Variants in ITSN1 observed in about 807,000 individuals in gnomAD.
ITSN1 encodes the protein intersectin 1.
ITSN1 carries 58 observed loss-of-function variants against 239.8 expected under a neutral mutation model. That is an observed-to-expected ratio of 0.24 (90% CI 0.20 to 0.30). The LOEUF is 0.30. Ranked by LOEUF, ITSN1 falls within the 10% of genes least tolerant of loss-of-function variation. The pLI is 1.00. For synonymous variants in ITSN1, 780 were observed against 770.8 expected (o/e 1.01, Z -0.20); for missense variants, 1,558 against 2,103.3 (o/e 0.74, Z 5.07).
chr21:33,881,069 G>T (rs1035880132), intron 34 of ITSN1, among the ~76,000 whole-genome samples: 2 of 152,060 alleles, frequency 1.3e-5, no homozygotes, highest in Non-Finnish European at 1.5e-5. Flanking sequence ...TTTCATGTGC[G>T]CAGTACAGTG....
chr21:33,879,486 G>T (rs1214095326), intron 34 of ITSN1, among the ~76,000 whole-genome samples: 3 of 152,214 alleles, frequency 2.0e-5, no homozygotes, highest in Admixed American at 6.5e-5. Flanking sequence ...AGCCGAGGAA[G>T]GCCTGTGTAT....
chr21:33,874,198 C>G (rs914439793), intron 33 of ITSN1, among the ~76,000 whole-genome samples: 1 of 150,912 alleles, frequency 6.6e-6, no homozygotes, highest in African/African-American at 2.4e-5. Flanking sequence ...TATAACCAAC[C>G]CAAATCATGG....
At chr21:33,683,989 GA>G (rs1267415851) in intron 1 of ITSN1, among the ~76,000 whole-genome samples, 1 of 152,102 alleles carries the variant, frequency 6.6e-6, no homozygotes, top group Non-Finnish European at 1.5e-5. Flanking sequence ...AGGAAAGGGG[GA>G]AAAAAGGAGG....
rs573948898 is a variant in ITSN1, at chr21:33,854,351, G to A, written c.3662-2385G>A. On this transcript the variant is annotated intron_variant, in intron 29 of 39. Transcript: ENST00000381318. Reference sequence around the variant, plus strand: ...GTGTCAATATTCTAATCTCCCTGCAGAAGGGACCATCCTGAACGCTCCAGG... The same window carrying A: ...GTGTCAATATTCTAATCTCCCTGCAAAAGGGACCATCCTGAACGCTCCAGG... Among the ~76,000 whole-genome samples the A allele has an allele frequency of 9.8e-5, 15 of 152,324 alleles. No homozygotes were observed. The East Asian group carries it at 2.7e-3, about 27-fold the overall frequency.
At chr21:33,709,362 C>A (rs144738086) in intron 1 of ITSN1, among the ~76,000 whole-genome samples, 318 of 152,204 alleles carry the variant, frequency 2.1e-3, no homozygotes, top group Non-Finnish European at 3.5e-3. Context: ...TTGTTTGAGA[C>A]GGAGTTTCAC....
chr21:33,875,656 A>T, intron 34 of ITSN1, 135 bp downstream of exon 34: 1 of 751,286 alleles, frequency 1.3e-6, no homozygotes. Context: ...GCTGCTTCTC[A>T]TCTGCTGTTT....
At chr21:33,811,244 C>G in intron 21 of ITSN1, 22 bp downstream of exon 21, 1 of 1,539,734 alleles carries the variant, frequency 6.5e-7, no homozygotes, top group Non-Finnish European at 8.7e-7. Context: ...TGGGCTCTTT[C>G]TGATGATTTT....
intron 34 of ITSN1, among the ~76,000 whole-genome samples, 161 bp downstream of exon 34, chr21:33,875,682 T>C (rs1290150820): frequency 6.6e-6 from 1 of 152,004 alleles, no homozygotes; most frequent in African/African-American, 2.4e-5. Flanking sequence ...ACCCACTGAG[T>C]ATTTATTTAT....
intron 25 of ITSN1, among the ~76,000 whole-genome samples, chr21:33,824,082 T>A (rs1602455748): frequency 1.3e-5 from 2 of 152,338 alleles, no homozygotes; most frequent in South Asian, 4.1e-4. Context: ...TTGGATATTA[T>A]TAGAAAGTTT....
At chr21:33,802,403 T>C (rs2072070716) in intron 19 of ITSN1, 27 bp from the exon 20 acceptor site, 1 of 1,612,432 alleles carries the variant, frequency 6.2e-7, no homozygotes, top group African/African-American at 1.3e-5. Context: ...TTTGCCTTGC[T>C]TTCAAACCTT....
chr21:33,687,352 C>G (rs868062275), intron 1 of ITSN1, among the ~76,000 whole-genome samples: 5 of 128,788 alleles, frequency 3.9e-5, no homozygotes, highest in South Asian at 4.8e-4. Flanking sequence ...GAGCCAAGAT[C>G]GTGCCATTGC....
At chr21:33,800,540 T>C (rs1418785441) in intron 19 of ITSN1, among the ~76,000 whole-genome samples, 1 of 152,140 alleles carries the variant, frequency 6.6e-6, no homozygotes, top group Admixed American at 6.5e-5. Context: ...AAAAGAGTAA[T>C]GAATTATACA....
At chr21:33,767,134 C>G (rs1057498020) in intron 10 of ITSN1, among the ~76,000 whole-genome samples, 5 of 152,060 alleles carry the variant, frequency 3.3e-5, no homozygotes, top group African/African-American at 1.2e-4. Flanking sequence ...CACCATTGCA[C>G]TCCAGCCTGG....
intron 34 of ITSN1, among the ~76,000 whole-genome samples, chr21:33,877,059 C>CTTTTTTTTTTTTTTTTTTTT (rs10529259): frequency 0.014 from 1,437 of 106,198 alleles, 436 homozygotes; most frequent in East Asian, 0.027. Context: ...CTGTGGGCAC[C>CTTTTTTTTTTTTTTTTTTTT]TTTTTTTTTT....
chr21:33,818,690 C>T (rs1024849575), intron 23 of ITSN1, among the ~76,000 whole-genome samples: 1 of 152,142 alleles, frequency 6.6e-6, no homozygotes. Flanking sequence ...CCTTGTTTTT[C>T]ATTGCCTTAT....
chr21:33,683,934 T>G (rs934536777), intron 1 of ITSN1, among the ~76,000 whole-genome samples: 2 of 152,166 alleles, frequency 1.3e-5, no homozygotes, highest in Non-Finnish European at 2.9e-5. Flanking sequence ...TGTGCTTGTT[T>G]GCTATTGGAG....
intron 26 of ITSN1, chr21:33,829,124 CGG>C (rs549894665): frequency 7.4e-6 from 3 of 406,968 alleles, no homozygotes; most frequent in Non-Finnish European, 1.4e-5. Flanking sequence ...AAGCCCCTGC[CGG>C]GCTCCCAGTG....
At chr21:33,791,635 A>G (rs146593884) in intron 16 of ITSN1, among the ~76,000 whole-genome samples, 49 of 152,336 alleles carry the variant, frequency 3.2e-4, no homozygotes, top group African/African-American at 6.5e-4. Flanking sequence ...CCGGTAATCA[A>G]TGATCTATAA....
chr21:33,675,515 C>T (rs2090538692), intron 1 of ITSN1, among the ~76,000 whole-genome samples: 1 of 152,078 alleles, frequency 6.6e-6, no homozygotes, highest in East Asian at 1.9e-4. Flanking sequence ...TACAGTGAGC[C>T]GAGGTTGCGC....
Sources: allele counts gnomAD v4.1 joint callset (sites outside exome capture counted in the v4.1 genomes callset), GRCh38; gene constraint gnomAD v4.1.1; transcripts MANE v1.5; gene names NCBI Gene and HGNC (gene_info 2026-07-23, HGNC 2026-07-21).